ARHGEF10: variants seen among roughly 807,000 people sequenced by gnomAD.
The protein encoded by ARHGEF10 is Rho guanine nucleotide exchange factor (GEF) 10.
In ARHGEF10, 140 loss-of-function variants were observed where a neutral mutation model predicts 147.4. The observed-to-expected ratio is 0.95, with a 90% CI of 0.83 to 1.09. The LOEUF (loss-of-function observed/expected upper bound fraction) is 1.09. ARHGEF10 is among the 50% of genes least tolerant of loss of function. The pLI is 0.00. For missense variants in ARHGEF10, 2,222 were observed against 1,752.7 expected, an observed-to-expected ratio of 1.27 and a Z score of -4.78; for synonymous variants, 902 against 695.8, an observed-to-expected ratio of 1.30 and a Z score of -4.67.
intron 1 of ARHGEF10, among the ~76,000 whole-genome samples, chr8:1,838,416 TCTC>T (rs78681032): frequency 0.057 from 8,685 of 152,300 alleles, 366 homozygotes; most frequent in African/African-American, 0.11. Flanking sequence ...GAAGGAGTCT[TCTC>T]CTTCCCACAG....
At position 1,858,067 on chromosome 8, in the gene ARHGEF10, G is replaced by A. The variant is rs559084209; in HGVS notation, c.145G>A (p.Ala49Thr). ...AGAAGCGGACAGACAGGCCCCATCCGCCCCTGAGACAGGAGGTGCTGGAGC... is the reference window on the plus strand; with the variant it reads ...AGAAGCGGACAGACAGGCCCCATCCACCCCTGAGACAGGAGGTGCTGGAGC... ...IPEADRQAPS[A>T]PETGGAGASE... The change falls in exon 3 of 29, where the codon GCC (alanine) becomes ACC (threonine). Residue 49 changes from alanine to threonine, a missense_variant. Transcript: ENST00000349830. The A allele has an allele frequency of 3.0e-5, 49 of 1,614,046 alleles. No individual in the cohort carries two copies. The highest frequency in any genetic ancestry group is 2.0e-4 in the African/African-American group (15 of 75,000).
intron 8 of ARHGEF10, 68 bp downstream of exon 8, chr8:1,876,802 G>C: frequency 1.3e-6 from 2 of 1,541,032 alleles, no homozygotes; most frequent in Middle Eastern, 1.8e-4. Context: ...CTGTGAATAT[G>C]ATTGTGATCC....
intron 18 of ARHGEF10, among the ~76,000 whole-genome samples, chr8:1,912,221 C>G (rs532594598): frequency 8.8e-4 from 133 of 151,764 alleles, no homozygotes; most frequent in African/African-American, 3.0e-3. Context: ...AGGAAGCTCG[C>G]TGTCCCCGCA....
At chr8:1,913,317 C>A (rs1186483493) in intron 18 of ARHGEF10, among the ~76,000 whole-genome samples, 1 of 151,790 alleles carries the variant, frequency 6.6e-6, no homozygotes, top group Admixed American at 6.6e-5. Flanking sequence ...TGTGTGTGCA[C>A]TTTTATTCAA....
chr8:1,838,551 T>C (rs77052118), intron 1 of ARHGEF10, among the ~76,000 whole-genome samples: 8,695 of 152,360 alleles, frequency 0.057, 368 homozygotes, highest in African/African-American at 0.11. Flanking sequence ...ACCTCATGTG[T>C]TCATTCCTTC....
chr8:1,867,015 C>T (rs936338923), intron 6 of ARHGEF10, among the ~76,000 whole-genome samples: 1 of 150,754 alleles, frequency 6.6e-6, no homozygotes, highest in Admixed American at 6.6e-5. Flanking sequence ...GGTGGGCCTC[C>T]CTTTTTTTTT....
chr8:1,875,561 C>T (rs1463993685), intron 7 of ARHGEF10, among the ~76,000 whole-genome samples: 2 of 152,232 alleles, frequency 1.3e-5, no homozygotes, highest in Non-Finnish European at 2.9e-5. Context: ...ACAGAACACA[C>T]TGCAGCTTCT....
chr8:1,871,540 A>G (rs567045159), intron 7 of ARHGEF10, among the ~76,000 whole-genome samples: 1 of 152,274 alleles, frequency 6.6e-6, no homozygotes, highest in East Asian at 1.9e-4. Flanking sequence ...ATAAAACAGA[A>G]TGGGCGCGGT....
chr8:1,863,078 C>G (rs144165101), intron 4 of ARHGEF10, among the ~76,000 whole-genome samples: 3,343 of 152,196 alleles, frequency 0.022, 60 homozygotes, highest in South Asian at 0.059. Flanking sequence ...CCACCGCGGC[C>G]AGCTGGATCT....
At chr8:1,886,986 C>T (rs1808717288) in intron 11 of ARHGEF10, among the ~76,000 whole-genome samples, 1 of 152,174 alleles carries the variant, frequency 6.6e-6, no homozygotes, top group Non-Finnish European at 1.5e-5. Context: ...TGCTGTCCAG[C>T]TCACCCACCT....
rs772196815 is a variant in ARHGEF10 at position 1,832,753 on chromosome 8, C to CAG, written c.-48+8644_-48+8645dup. ...ACAGAGGCAGAGGCAGAGGCAGAGA[C>CAG]AGAGACAGAGGCAGAGACAGAGGCA... On this transcript the variant is annotated intron_variant, in intron 1 of 28. Transcript: ENST00000349830. 5.6e-3 allele frequency among the ~76,000 whole-genome samples: 230 copies of CAG among 40,732 alleles called. 47 individuals are homozygous for CAG. Among genetic ancestry groups the CAG allele is most frequent in the African/African-American group, 0.025 (206 of 8,346 alleles). 26.7% of individuals were successfully genotyped at this position (40,732 alleles called of 152,430 possible). A position where few individuals can be genotyped will look rare whatever the true frequency, so the allele number is the denominator to read the frequency against.
chr8:1,903,742 G>C (rs957520927), intron 16 of ARHGEF10: 1 of 481,192 alleles, frequency 2.1e-6, no homozygotes. Context: ...AACTCCTTTA[G>C]CTTACTTTTC....
intron 1 of ARHGEF10, among the ~76,000 whole-genome samples, chr8:1,835,304 A>C (rs971140051): frequency 3.9e-5 from 6 of 152,218 alleles, no homozygotes; most frequent in Non-Finnish European, 7.3e-5. Flanking sequence ...TCCCTGCCCC[A>C]GGTGCATCTC....
rs143897756 is a variant in ARHGEF10, at chr8:1,883,555, A to G, written c.1075+806A>G. Among the ~76,000 whole-genome samples the G allele has an allele frequency of 4.5e-4, 68 of 152,286 alleles. 1 individual carries two copies. The highest frequency in any genetic ancestry group is 1.5e-3 in the South Asian group (7 of 4,810). Reference sequence around the variant, plus strand: ...GCCTCGGATACGATGTGTAATTGGTATGACATGGTGTAACTCAGGAGGCCT... The same window carrying G: ...GCCTCGGATACGATGTGTAATTGGTGTGACATGGTGTAACTCAGGAGGCCT... On this transcript the variant is annotated intron_variant, in intron 10 of 28. Coordinates refer to ENST00000349830, the MANE Select transcript of ARHGEF10 (RefSeq NM_014629.4).
intron 11 of ARHGEF10, 30 bp from the exon 12 acceptor site, chr8:1,893,539 T>G (rs776825971): frequency 3.3e-6 from 5 of 1,495,076 alleles, no homozygotes; most frequent in Non-Finnish European, 4.7e-6. Flanking sequence ...AAAGCAGTTT[T>G]CTATCATTGT....
At chr8:1,941,286 C>T (rs957743844) in intron 26 of ARHGEF10, among the ~76,000 whole-genome samples, 40 of 152,118 alleles carry the variant, frequency 2.6e-4, no homozygotes, top group African/African-American at 8.9e-4. Flanking sequence ...GATCGGTATA[C>T]AAAAATCAAT....
At chr8:1,841,728 A>G (rs1429064289) in intron 1 of ARHGEF10, among the ~76,000 whole-genome samples, 1 of 152,068 alleles carries the variant, frequency 6.6e-6, no homozygotes, top group Non-Finnish European at 1.5e-5. Flanking sequence ...AGACAATCGC[A>G]GCTGCTGCTC....
At position 1,894,305 on chromosome 8, in the gene ARHGEF10, G is replaced by A. The variant is rs139475932; in HGVS notation, c.1261-88G>A. ...TTTGAGGCTGCAGTGAGCCATGATCGCACCACTGCGCTGCACCCTGGACAA... is the reference window on the plus strand; with the variant it reads ...TTTGAGGCTGCAGTGAGCCATGATCACACCACTGCGCTGCACCCTGGACAA... On this transcript the variant is annotated intron_variant, in intron 12 of 28. Transcript: ENST00000349830. The A allele has an allele frequency of 7.4e-5, 104 of 1,405,084 alleles. 1 individual carries two copies. Among genetic ancestry groups the A allele is most frequent in the Middle Eastern group, 3.6e-4 (2 of 5,618 alleles). The allele number at this position is 1,405,084 out of a possible 1,614,324, so 87.0% of individuals were successfully genotyped here.
Position 1,904,007 on chromosome 8 carries a change from G to A in ARHGEF10, c.1821+556G>A, listed in dbSNP as rs148304466. 59 of 160,508 alleles carry A rather than the reference G, an allele frequency of 3.7e-4. 1 individual carries two copies. The highest frequency in any genetic ancestry group is 1.1e-3 in the African/African-American group (46 of 41,574). The allele number at this position is 160,508 out of a possible 1,614,324, so 9.9% of individuals were successfully genotyped here. On this transcript the variant is annotated intron_variant, in intron 16 of 28. Transcript: ENST00000349830. ...AGCTACGTGGGAGGCTGAGGCCAGA[G>A]GATTGCTCGAGCCTGGGAGGTCCAG... is the stretch of plus-strand genomic sequence containing the variant.
Sources: gnomAD v4.1 joint callset for allele counts (sites outside exome capture counted in the v4.1 genomes callset) on GRCh38, gnomAD v4.1.1 for gene constraint, MANE v1.5 for transcripts, NCBI Gene and HGNC (gene_info 2026-07-23, HGNC 2026-07-21) for gene names.